The following CSK variants were observed in gnomAD, a reference collection of about 807,000 sequenced individuals.
The protein encoded by CSK is tyrosine-protein kinase CSK.
In CSK, 7 loss-of-function variants were observed where a neutral mutation model predicts 62.3. That is an observed-to-expected ratio of 0.11 (90% CI 0.06 to 0.21). The LOEUF (loss-of-function observed/expected upper bound fraction) is 0.21, where lower values mean the gene tolerates loss of function less well. CSK is among the 10% of genes least tolerant of loss of function. The pLI, the probability that CSK is intolerant of heterozygous loss-of-function variation, is 1.00. For missense variants in CSK, 294 were observed against 613.5 expected (o/e 0.48, Z 5.50); for synonymous variants, 237 against 246.0 (o/e 0.96, Z 0.34).
At chr15:74,790,171 C>T (rs757251114) in intron 1 of CSK, among the ~76,000 whole-genome samples, 3 of 152,234 alleles carry the variant, frequency 2.0e-5, no homozygotes, top group African/African-American at 4.8e-5. Flanking sequence ...CCAGAATCTC[C>T]GGGGGCCAGG....
At chr15:74,795,538 G>T (rs4886409) in intron 1 of CSK, among the ~76,000 whole-genome samples, 1 of 151,984 alleles carries the variant, frequency 6.6e-6, no homozygotes, top group African/African-American at 2.4e-5. Context: ...TTCCTCACCC[G>T]TAGAAAGGAA....
At chr15:74,790,152 G>A (rs1211361113) in intron 1 of CSK, among the ~76,000 whole-genome samples, 2 of 152,260 alleles carry the variant, frequency 1.3e-5, no homozygotes, top group Non-Finnish European at 2.9e-5. Context: ...GCTAGGTCCT[G>A]TGGCAGCACC....
intron 1 of CSK, among the ~76,000 whole-genome samples, chr15:74,785,151 TCACTGCCAG>T (rs1232088686): frequency 1.3e-5 from 2 of 152,242 alleles, no homozygotes; most frequent in Non-Finnish European, 2.9e-5. Context: ...ATTTTGGAGT[TCACTGCCAG>T]TCTTTTCCCC....
At position 74,802,629 on chromosome 15, in the gene CSK, C is replaced by G. The variant is rs948181249; in HGVS notation, c.*116C>G. On this transcript the variant is annotated 3_prime_UTR_variant, in exon 13 of 13. Transcript: ENST00000220003. ...ACTGAGCCCCAGCGGGCTGGCGGGC[C>G]TTTTTCCTGCGTCCCAGCCTGCACC... The G allele has an allele frequency of 1.1e-5, 15 of 1,321,992 alleles. No homozygotes were observed. The highest frequency in any genetic ancestry group is 1.4e-5 in the Non-Finnish European group (14 of 970,076). 81.9% of individuals were successfully genotyped at this position (1,321,992 alleles called of 1,614,324 possible). A position where few individuals can be genotyped will look rare whatever the true frequency, so the allele number is the denominator to read the frequency against.
chr15:74,786,423 A>G (rs1402271923), intron 1 of CSK, among the ~76,000 whole-genome samples: 1 of 152,138 alleles, frequency 6.6e-6, no homozygotes. Flanking sequence ...AGACTTAGAC[A>G]AGGAACCCAG....
At chr15:74,800,204 C>T (rs754899223) in intron 5 of CSK, among the ~76,000 whole-genome samples, 6 of 152,314 alleles carry the variant, frequency 3.9e-5, no homozygotes, top group Admixed American at 2.0e-4. Context: ...GTCCAGCAAC[C>T]GCATGTAGGG....
intron 1 of CSK, among the ~76,000 whole-genome samples, chr15:74,787,418 A>G (rs1307811277): frequency 6.6e-6 from 1 of 151,746 alleles, no homozygotes; most frequent in African/African-American, 2.4e-5. Context: ...CTCAGGGCAG[A>G]CTGGCAGGAC....
chr15:74,797,386 T>C (rs568257226), intron 1 of CSK, among the ~76,000 whole-genome samples: 1 of 152,250 alleles, frequency 6.6e-6, no homozygotes, highest in African/African-American at 2.4e-5. Flanking sequence ...TGAAACCCCA[T>C]CTCTACTGAA....
chr15:74,790,227 G>A (rs1010952092), intron 1 of CSK, among the ~76,000 whole-genome samples: 4 of 152,232 alleles, frequency 2.6e-5, no homozygotes, highest in Non-Finnish European at 4.4e-5. Context: ...TTTTCAGTGG[G>A]TATTTTTAGC....
At chr15:74,789,670 A>C (rs2141791320) in intron 1 of CSK, among the ~76,000 whole-genome samples, 1 of 151,852 alleles carries the variant, frequency 6.6e-6, no homozygotes, top group East Asian at 1.9e-4. Context: ...GTCTTCATTA[A>C]CTCGCTCTGT....
intron 4 of CSK, 152 bp from the exon 5 acceptor site, chr15:74,799,120 A>C (rs2063750811): frequency 3.0e-6 from 3 of 991,028 alleles, no homozygotes; most frequent in Non-Finnish European, 4.4e-6. Context: ...GGAGGGTGGC[A>C]AAGAAGGGAC....
intron 1 of CSK, among the ~76,000 whole-genome samples, chr15:74,786,906 G>C (rs34628373): frequency 3.9e-4 from 60 of 152,244 alleles, no homozygotes; most frequent in African/African-American, 1.4e-3. Context: ...ACTTTGGCCT[G>C]TGGAGTATCT....
At chr15:74,795,633 T>C (rs1319486890) in intron 1 of CSK, among the ~76,000 whole-genome samples, 2 of 152,080 alleles carry the variant, frequency 1.3e-5, no homozygotes, top group African/African-American at 4.8e-5. Context: ...TGCAGACGGG[T>C]GGGTTGCTGC....
At chr15:74,785,407 G>T (rs549273081) in intron 1 of CSK, among the ~76,000 whole-genome samples, 21 of 152,280 alleles carry the variant, frequency 1.4e-4, no homozygotes, top group African/African-American at 5.1e-4. Context: ...AGTCCCAAAA[G>T]CAGCCAGGGT....
rs577285251 is a variant in CSK, at chr15:74,789,290, A to G, written c.-66+6570A>G. Among the ~76,000 whole-genome samples, 31 of 152,258 alleles carry G rather than the reference A, an allele frequency of 2.0e-4. No individual in the cohort carries two copies. The South Asian group carries it at 6.4e-3, about 32-fold the overall frequency. ...CCTTCGTAACCGCCCCGGGAGGTGT[A>G]GGCATCTCCAAGACCCTGGCGCCCA... is the stretch of plus-strand genomic sequence containing the variant. On this transcript the variant is annotated intron_variant, in intron 1 of 12. Transcript: ENST00000220003.
At chr15:74,783,477 C>CCGAG (rs2063468992) in intron 1 of CSK, among the ~76,000 whole-genome samples, 2 of 152,218 alleles carry the variant, frequency 1.3e-5, no homozygotes, top group Non-Finnish European at 2.9e-5. Flanking sequence ...CACCCGGGAA[C>CCGAG]CGAGGCTCAA....
intron 6 of CSK, 33 bp downstream of exon 6, chr15:74,800,538 C>T (rs1401744625): frequency 6.3e-7 from 1 of 1,593,094 alleles, no homozygotes; most frequent in African/African-American, 1.3e-5. Flanking sequence ...CTCTTGCCCA[C>T]CCACCTCCTC....
chr15:74,794,507 A>G lies in CSK; in HGVS notation c.-65-3726A>G, dbSNP rs2063676169. 2.0e-5 allele frequency among the ~76,000 whole-genome samples: 3 copies of G among 152,190 alleles called. No individual in the cohort carries two copies. The South Asian group carries it at 6.2e-4, about 32-fold the overall frequency. Reference sequence around the variant, plus strand: ...CTTGGGCCTCAGTGTCCCTGCCTAAACAGCAGGATTGATGGCCTGGCCTCT... The same window carrying G: ...CTTGGGCCTCAGTGTCCCTGCCTAAGCAGCAGGATTGATGGCCTGGCCTCT... On this transcript the variant is annotated intron_variant, in intron 1 of 12. Coordinates refer to ENST00000220003, the MANE Select transcript of CSK (RefSeq NM_004383.3).
At position 74,798,201 on chromosome 15, in the gene CSK, C is replaced by T. The variant is rs1436039854; in HGVS notation, c.-65-32C>T. 5 of 1,382,838 alleles carry T rather than the reference C, an allele frequency of 3.6e-6. No individual in the cohort carries two copies. Among genetic ancestry groups the T allele is most frequent in the East Asian group, 2.4e-5 (1 of 42,118 alleles). The allele number at this position is 1,382,838 out of a possible 1,614,324, so 85.7% of individuals were successfully genotyped here. A position where few individuals can be genotyped will look rare whatever the true frequency, so the allele number is the denominator to read the frequency against. On this transcript the variant is annotated intron_variant, in intron 1 of 12. Coordinates refer to ENST00000220003, the MANE Select transcript of CSK (RefSeq NM_004383.3). The surrounding 1 kb of genome is among the most constrained non-coding windows in gnomAD (Gnocchi z 6.6). ...AGCAGTTGGGGGGCATTTCTTCACA[C>T]CCCTCCTCAGTCTTCATGCTCTTCC... is the stretch of plus-strand genomic sequence containing the variant.
Sources: allele counts gnomAD v4.1 joint callset (sites outside exome capture counted in the v4.1 genomes callset), GRCh38; gene constraint gnomAD v4.1.1; non-coding constraint Gnocchi (gnomAD v3.1); transcripts MANE v1.5; gene names NCBI Gene and HGNC (gene_info 2026-07-23, HGNC 2026-07-21).